The following PLPP3 variants were observed in gnomAD, a reference collection of about 807,000 sequenced individuals.
The protein encoded by PLPP3 is phospholipid phosphatase 3.
A neutral mutation model predicts 29.6 loss-of-function variants in PLPP3; 6 were observed. That is an observed-to-expected ratio of 0.20 (90% CI 0.11 to 0.40). The LOEUF (loss-of-function observed/expected upper bound fraction) is 0.40, where lower values mean the gene tolerates loss of function less well. Ranked by LOEUF, PLPP3 falls within the 10% of genes least tolerant of loss-of-function variation. The pLI, the probability that PLPP3 is intolerant of heterozygous loss-of-function variation, is 1.00. For missense variants in PLPP3, 308 were observed against 407.7 expected (o/e 0.76, Z 2.11); for synonymous variants, 152 against 159.7 (o/e 0.95, Z 0.36).
At chr1:56,507,209 C>A (rs924344218) in intron 5 of PLPP3, among the ~76,000 whole-genome samples, 1 of 152,164 alleles carries the variant, frequency 6.6e-6, no homozygotes, top group South Asian at 2.1e-4. Context: ...AGTTATGGAA[C>A]CAGCATTCTA....
At chr1:56,532,951 C>G (rs11588501) in intron 2 of PLPP3, among the ~76,000 whole-genome samples, 1,989 of 152,218 alleles carry the variant, frequency 0.013, 21 homozygotes, top group Non-Finnish European at 0.02. Flanking sequence ...GAGGAGACAG[C>G]TACGGAATGC....
Position 56,563,682 on chromosome 1 carries a change from AATT to A in PLPP3, c.139+15193_139+15195del, listed in dbSNP as rs1646144788. Reference sequence around the variant, plus strand: ...AATGACCTCTGCTACTGATTAGCTGAATTATTAACAGTGTGTCACCAACCCATC... The same window carrying A: ...AATGACCTCTGCTACTGATTAGCTGAATTAACAGTGTGTCACCAACCCATC... On this transcript the variant is annotated intron_variant, in intron 1 of 5. Coordinates refer to ENST00000371250, the MANE Select transcript of PLPP3 (RefSeq NM_003713.5). Among the ~76,000 whole-genome samples, 6 of 152,350 alleles carry A rather than the reference AATT, an allele frequency of 3.9e-5. No individual in the cohort carries two copies. The South Asian group carries it at 1.2e-3, about 32-fold the overall frequency.
intron 1 of PLPP3, among the ~76,000 whole-genome samples, chr1:56,571,481 C>A (rs1646198191): frequency 6.6e-6 from 1 of 152,122 alleles, no homozygotes; most frequent in Non-Finnish European, 1.5e-5. Flanking sequence ...TTCCCCAGCT[C>A]AAAAAGGCCT....
chr1:56,550,607 A>C (rs1646031827), intron 1 of PLPP3, among the ~76,000 whole-genome samples: 1 of 152,120 alleles, frequency 6.6e-6, no homozygotes, highest in Non-Finnish European at 1.5e-5. Flanking sequence ...TGCGAAGCCC[A>C]AGGGGGGTTC....
At chr1:56,541,966 CA>C (rs71813861) in intron 1 of PLPP3, among the ~76,000 whole-genome samples, 38,461 of 126,452 alleles carry the variant, frequency 0.3, 5,005 homozygotes, top group Admixed American at 0.34. Flanking sequence ...AAAGCATGAC[CA>C]AAAAAAAAAA....
intron 2 of PLPP3, among the ~76,000 whole-genome samples, chr1:56,530,850 T>C (rs1485218792): frequency 6.6e-6 from 1 of 152,210 alleles, no homozygotes; most frequent in Non-Finnish European, 1.5e-5. Flanking sequence ...AGGTCTGCTC[T>C]ACATTCCCTG....
At chr1:56,557,022 G>GGAAAGAAAGAAAGAAA (rs1646084792) in intron 1 of PLPP3, among the ~76,000 whole-genome samples, 7 of 13,058 alleles carry the variant, frequency 5.4e-4, no homozygotes, top group East Asian at 1.5e-3. Flanking sequence ...GAGAGAGAGA[G>GGAAAGAAAGAAAGAAA]AGAAAGAGAG....
At chr1:56,572,171 T>A (rs530197459) in intron 1 of PLPP3, among the ~76,000 whole-genome samples, 17 of 144,754 alleles carry the variant, frequency 1.2e-4, no homozygotes, top group Admixed American at 2.9e-4. Flanking sequence ...TGCCTCAGCC[T>A]CCGGAGTAGC....
chr1:56,516,791 A>C, intron 4 of PLPP3: 1 of 152,236 alleles, frequency 6.6e-6, no homozygotes, highest in Non-Finnish European at 1.5e-5. Context: ...AAAAAAAAAA[A>C]AAAAATTGCT....
chr1:56,549,857 G>C (rs781561930), intron 1 of PLPP3, among the ~76,000 whole-genome samples: 1 of 152,216 alleles, frequency 6.6e-6, no homozygotes, highest in Non-Finnish European at 1.5e-5. Flanking sequence ...CAGCAAAAAT[G>C]GGCGGTGGGT....
At chr1:56,533,975 T>TG (rs1645907592) in intron 2 of PLPP3, among the ~76,000 whole-genome samples, 1 of 152,222 alleles carries the variant, frequency 6.6e-6, no homozygotes, top group Admixed American at 6.5e-5. Flanking sequence ...GATTCATCCG[T>TG]GACTCAACCA....
intron 1 of PLPP3, among the ~76,000 whole-genome samples, chr1:56,550,295 T>C (rs921341120): frequency 6.6e-6 from 1 of 152,108 alleles, no homozygotes; most frequent in Non-Finnish European, 1.5e-5. Context: ...AAACAACTCC[T>C]AGGTGGTTTG....
At chr1:56,570,388 T>C (rs1279988424) in intron 1 of PLPP3, among the ~76,000 whole-genome samples, 1 of 152,236 alleles carries the variant, frequency 6.6e-6, no homozygotes, top group Non-Finnish European at 1.5e-5. Context: ...CATATAATTT[T>C]GTTAATTTGT....
intron 1 of PLPP3, chr1:56,538,517 T>G: frequency 2.4e-6 from 1 of 412,870 alleles, no homozygotes; most frequent in Non-Finnish European, 4.8e-6. Context: ...TTAGAAAACA[T>G]GGAGTTGTTT....
At chr1:56,542,025 T>C (rs1054360049) in intron 1 of PLPP3, among the ~76,000 whole-genome samples, 1 of 151,554 alleles carries the variant, frequency 6.6e-6, no homozygotes, top group African/African-American at 2.4e-5. Context: ...CCCAAGCATT[T>C]CTCCTTCCTT....
intron 1 of PLPP3, among the ~76,000 whole-genome samples, chr1:56,548,191 A>C (rs578144278): frequency 2.0e-4 from 30 of 152,176 alleles, no homozygotes; most frequent in Non-Finnish European, 4.1e-4. Context: ...CCCTGGGAGC[A>C]CACTCCCCAT....
At chr1:56,515,428 C>T (rs1645774768) in intron 4 of PLPP3, among the ~76,000 whole-genome samples, 1 of 152,074 alleles carries the variant, frequency 6.6e-6, no homozygotes, top group African/African-American at 2.4e-5. Flanking sequence ...GGCGTGTTTC[C>T]CAACCGGACA....
chr1:56,543,651 T>C (rs1483447810), intron 1 of PLPP3, among the ~76,000 whole-genome samples: 1 of 152,228 alleles, frequency 6.6e-6, no homozygotes, highest in Non-Finnish European at 1.5e-5. Context: ...TCCAGATTTT[T>C]AGACTGGACA....
chr1:56,535,937 A>G (rs1427965596), intron 2 of PLPP3, among the ~76,000 whole-genome samples: 3 of 152,214 alleles, frequency 2.0e-5, no homozygotes, highest in African/African-American at 7.2e-5. Context: ...AGATGAGGAA[A>G]CTGAAGGTTA....
Sources: allele counts gnomAD v4.1 joint callset (sites outside exome capture counted in the v4.1 genomes callset), GRCh38; gene constraint gnomAD v4.1.1; transcripts MANE v1.5; gene names NCBI Gene and HGNC (gene_info 2026-07-23, HGNC 2026-07-21).